SVIL: variants seen among roughly 807,000 people sequenced by gnomAD.
The protein encoded by SVIL is archvillin.
In SVIL, 101 loss-of-function variants were observed where a neutral mutation model predicts 240.4. The observed-to-expected ratio is 0.42, with a 90% confidence interval of 0.36 to 0.50. The LOEUF (loss-of-function observed/expected upper bound fraction) is 0.50, where lower values mean the gene tolerates loss of function less well. SVIL is among the 20% of genes least tolerant of loss of function. The pLI is 0.01. For missense variants in SVIL, 2,512 were observed against 2,818.7 expected (o/e 0.89, Z 2.46); for synonymous variants, 999 against 1,100.0 (o/e 0.91, Z 1.82).
At chr10:29,705,575 C>A (rs1205826550) in intron 1 of SVIL, among the ~76,000 whole-genome samples, 1 of 151,958 alleles carries the variant, frequency 6.6e-6, no homozygotes, top group East Asian at 1.9e-4. Context: ...GCCTATCAAC[C>A]CATCATCTAG....
intron 3 of SVIL, among the ~76,000 whole-genome samples, chr10:29,651,480 G>A (rs977302561): frequency 1.3e-5 from 2 of 151,982 alleles, no homozygotes; most frequent in African/African-American, 2.4e-5. Context: ...ACTACCTCTC[G>A]GTAGGACTTA....
chr10:29,655,142 A>T (rs1958957818), intron 3 of SVIL, among the ~76,000 whole-genome samples: 1 of 152,232 alleles, frequency 6.6e-6, no homozygotes. Flanking sequence ...GGATACATAT[A>T]CATGTGAAAG....
intron 1 of SVIL, among the ~76,000 whole-genome samples, chr10:29,621,935 T>A (rs1957660891): frequency 6.6e-6 from 1 of 151,596 alleles, no homozygotes; most frequent in South Asian, 2.1e-4. Context: ...CAAACATCAG[T>A]GACTTGGGAG....
At chr10:29,603,284 C>CCTTT (rs1330228803) in intron 1 of SVIL, among the ~76,000 whole-genome samples, 3 of 151,870 alleles carry the variant, frequency 2.0e-5, no homozygotes, top group Non-Finnish European at 4.4e-5. Context: ...GATTTCCAAC[C>CCTTT]CTTTCTTCTT....
intron 1 of SVIL, among the ~76,000 whole-genome samples, chr10:29,714,134 C>T (rs144236797): frequency 1.1e-4 from 17 of 152,286 alleles, no homozygotes; most frequent in African/African-American, 1.9e-4. Flanking sequence ...CTCACCTAGA[C>T]GGTGTCAGAA....
At chr10:29,549,714 C>T (rs1953056487) in intron 6 of SVIL, among the ~76,000 whole-genome samples, 1 of 142,386 alleles carries the variant, frequency 7.0e-6, no homozygotes, top group African/African-American at 2.6e-5. Flanking sequence ...GAGTTCATGT[C>T]CTTTGCAGGG....
At position 29,622,249 on chromosome 10, in the gene SVIL, CA is replaced by C. The variant is rs71020801; in HGVS notation, c.-201+12170del. 2.6e-3 allele frequency among the ~76,000 whole-genome samples: 135 copies of C among 51,620 alleles called. 1 individual carries two copies. Among genetic ancestry groups the C allele is most frequent in the South Asian group, 0.017 (15 of 906 alleles). 33.9% of individuals were successfully genotyped at this position (51,620 alleles called of 152,430 possible). On this transcript the variant is annotated intron_variant, in intron 1 of 37. Transcript: ENST00000355867. ...TGGGCGACAGAGTGAGACTCCGTCT[CA>C]AAAAAAAAAAAAAAAAAAAAAAAAA...
In SVIL at chr10:29,696,197, G is replaced by A. The variant is rs1384609004; in HGVS notation, c.-399-9546C>T. Among the ~76,000 whole-genome samples, 9 of 151,938 alleles carry A rather than the reference G, an allele frequency of 5.9e-5. No individual in the cohort carries two copies. The East Asian group carries it at 6.0e-4, about 10-fold the overall frequency. Reference sequence around the variant, plus strand: ...TCCAGCTCCTAGCCGCGAGTGTTCCGCCAGCCTCGGCCTCCCGAGGTGCCA... The same window carrying A: ...TCCAGCTCCTAGCCGCGAGTGTTCCACCAGCCTCGGCCTCCCGAGGTGCCA... On this transcript the variant is annotated intron_variant, in intron 1 of 35. Transcript: ENST00000375400.
chr10:29,521,990 CAT>C (rs1269478545), intron 16 of SVIL, among the ~76,000 whole-genome samples: 1 of 152,196 alleles, frequency 6.6e-6, no homozygotes, highest in East Asian at 1.9e-4. Context: ...TCCCTCTACA[CAT>C]ATTTTACACA....
intron 2 of SVIL, among the ~76,000 whole-genome samples, chr10:29,664,222 C>T (rs1347511726): frequency 6.6e-6 from 1 of 152,140 alleles, no homozygotes; most frequent in East Asian, 1.9e-4. Context: ...GAATTCTCAA[C>T]TTTAAGAATC....
rs1341151257 is a variant in SVIL, at chr10:29,735,537, C to T, written c.-400+214G>A. The stretch of plus-strand genomic sequence containing the variant: ...CGGCTCGGGGACCCCGCGGGCCGAG[C>T]GCAGCGCCCCGTCGCAGCGGCCCGG... On this transcript the variant is annotated intron_variant, in intron 1 of 35. Transcript: ENST00000375400. The surrounding 1 kb of genome is among the most constrained non-coding windows in gnomAD (Gnocchi z 4.1). 6.7e-6 allele frequency among the ~76,000 whole-genome samples: 1 copy of T among 150,352 alleles called. No homozygotes were observed. The highest frequency in any genetic ancestry group is 1.5e-5 in the Non-Finnish European group (1 of 67,278).
At position 29,541,070 on chromosome 10, in the gene SVIL, G is replaced by A. The variant is rs541390546; in HGVS notation, c.828-5001C>T. 1.8e-3 allele frequency among the ~76,000 whole-genome samples: 269 copies of A among 152,296 alleles called. 2 individuals carry two copies. Among genetic ancestry groups the A allele is most frequent in the Non-Finnish European group, 2.3e-3 (157 of 68,008 alleles). ...GCAGGTGAGATTTTTTAAAAAACAT[G>A]AACAAAAAGAGAGATCACATCTGAA... is the stretch of plus-strand genomic sequence containing the variant. On this transcript the variant is annotated intron_variant, in intron 6 of 37. Transcript: ENST00000355867.
chr10:29,674,473 T>C (rs1960048240), intron 2 of SVIL, among the ~76,000 whole-genome samples: 1 of 152,314 alleles, frequency 6.6e-6, no homozygotes, highest in African/African-American at 2.4e-5. Flanking sequence ...CTTACTGTAG[T>C]AAAATAAATT....
rs144767212 is a variant in SVIL, at chr10:29,533,669, C to G, written c.909-211G>C. 3.4e-4 allele frequency among the ~76,000 whole-genome samples: 52 copies of G among 152,290 alleles called. No homozygotes were observed. The East Asian group carries it at 9.7e-3, about 28-fold the overall frequency. ...ATATGTATGCCCAGGAGGTGCAAAACTAACTCTACCCCTGTAAAAGCTGGC... is the reference window on the plus strand; with the variant it reads ...ATATGTATGCCCAGGAGGTGCAAAAGTAACTCTACCCCTGTAAAAGCTGGC... On this transcript the variant is annotated intron_variant, in intron 7 of 37. Transcript: ENST00000355867.
chr10:29,585,928 C>T (rs1264168714), intron 1 of SVIL, among the ~76,000 whole-genome samples: 3 of 152,248 alleles, frequency 2.0e-5, no homozygotes, highest in Non-Finnish European at 2.9e-5. Context: ...CCATCCTGAA[C>T]GCAGGCTCCT....
In SVIL at chr10:29,488,673, C is replaced by T. The variant is rs780826480; in HGVS notation, c.4276G>A (p.Val1426Ile). ...ENFSNVSLRS[V>I]NLTEQNSNNS... is the part of the protein sequence containing the mutation. ...TTAGAGTTCTGTTCCGTCAGGTTGA[C>T]GCTCCGCAGGCTGACGTTGCTGAAG... Residue 1426 changes from valine to isoleucine, a missense_variant, in exon 23 of 38, where the codon GTC becomes ATC. By Grantham distance (29) the Val-to-Ile change is conservative (BLOSUM62 3). Transcript: ENST00000355867. The T allele has an allele frequency of 1.2e-5, 20 of 1,612,738 alleles. No homozygotes were observed. Among genetic ancestry groups the T allele is most frequent in the African/African-American group, 6.7e-5 (5 of 74,874 alleles).
At chr10:29,665,302 G>A (rs1214770385) in intron 2 of SVIL, among the ~76,000 whole-genome samples, 1 of 150,336 alleles carries the variant, frequency 6.7e-6, no homozygotes, top group Non-Finnish European at 1.5e-5. Flanking sequence ...CAAAGCAATC[G>A]TGGTGTCTCA....
chr10:29,710,873 C>T (rs1296636226), intron 1 of SVIL, among the ~76,000 whole-genome samples: 1 of 152,162 alleles, frequency 6.6e-6, no homozygotes, highest in African/African-American at 2.4e-5. Context: ...AGAGATGTGG[C>T]ATCCAACACA....
chr10:29,484,883 T>C lies in SVIL; in HGVS notation c.4780-52A>G. Reference sequence around the variant, plus strand: ...GTTAACTTCAAGAACATGCAACAGTTGAATCAGGTGCAACAGGGTCTCTTG... The same window carrying C: ...GTTAACTTCAAGAACATGCAACAGTCGAATCAGGTGCAACAGGGTCTCTTG... On this transcript the variant is annotated intron_variant, in intron 26 of 37. Transcript: ENST00000355867. The surrounding 1 kb of genome is among the most constrained non-coding windows in gnomAD (Gnocchi z 4.7). 6.5e-7 allele frequency: 1 copy of C among 1,533,650 alleles called. No homozygotes were observed. Among genetic ancestry groups the C allele is most frequent in the Non-Finnish European group, 8.8e-7 (1 of 1,131,550 alleles).
Sources: allele counts gnomAD v4.1 joint callset (sites outside exome capture counted in the v4.1 genomes callset), GRCh38; gene constraint gnomAD v4.1.1; non-coding constraint Gnocchi (gnomAD v3.1); transcripts MANE v1.5; gene names NCBI Gene and HGNC (gene_info 2026-07-23, HGNC 2026-07-21).